KLHL2: variants seen among roughly 807,000 people sequenced by gnomAD.
KLHL2 encodes kelch like family member 2.
Under a neutral mutation model 75.8 loss-of-function variants are expected in KLHL2, and 15 were observed. The observed-to-expected ratio is 0.20, with a 90% CI of 0.13 to 0.30. KLHL2 has a LOEUF of 0.30. Ranked by LOEUF, KLHL2 falls within the 10% of genes least tolerant of loss-of-function variation. KLHL2 has a pLI of 1.00. For synonymous variants in KLHL2, 214 were observed against 251.9 expected (o/e 0.85, Z 1.42); for missense variants, 381 against 741.0 (o/e 0.51, Z 5.64).
chr4:165,246,214 GT>G (rs2111140485), intron 4 of KLHL2, among the ~76,000 whole-genome samples: 1 of 152,254 alleles, frequency 6.6e-6, no homozygotes, highest in South Asian at 2.1e-4. Context: ...TAAGTTTGGC[GT>G]GTTTTATGGG....
chr4:165,235,075 A>G (rs1739225296), intron 3 of KLHL2, among the ~76,000 whole-genome samples: 1 of 152,242 alleles, frequency 6.6e-6, no homozygotes, highest in South Asian at 2.1e-4. Context: ...GTGATGTTCA[A>G]TAAATGTTGA....
At chr4:165,299,691 T>C (rs1390682434) in intron 8 of KLHL2, 35 bp downstream of exon 8, 5 of 1,542,106 alleles carry the variant, frequency 3.2e-6, no homozygotes, top group Non-Finnish European at 4.4e-6. Context: ...TATTACCTCA[T>C]GCAAAAGGCT....
At chr4:165,226,771 T>G (rs1420037466) in intron 2 of KLHL2, among the ~76,000 whole-genome samples, 1 of 152,138 alleles carries the variant, frequency 6.6e-6, no homozygotes, top group African/African-American at 2.4e-5. Context: ...CTTTCTTGTT[T>G]TATTCAAACT....
rs1477707346 is a variant in KLHL2, at chr4:165,264,765, T to TATATAA, written c.544+1407_544+1408insTATAAA. Among the ~76,000 whole-genome samples, 291 of 93,966 alleles carry TATATAA rather than the reference T, an allele frequency of 3.1e-3. 2 individuals carry two copies. Among genetic ancestry groups the TATATAA allele is most frequent in the Non-Finnish European group, 4.1e-3 (206 of 50,184 alleles). 61.6% of individuals were successfully genotyped at this position (93,966 alleles called of 152,430 possible). A position where few individuals can be genotyped will look rare whatever the true frequency, so the allele number is the denominator to read the frequency against. ...GTATATATATATATATATATATATA[T>TATATAA]AAAACATTATCCACTCATTGGCTGA... On this transcript the variant is annotated intron_variant, in intron 5 of 14. Coordinates refer to ENST00000226725, the MANE Select transcript of KLHL2 (RefSeq NM_007246.4).
intron 13 of KLHL2, 117 bp downstream of exon 13, chr4:165,314,283 C>T (rs1249731770): frequency 1.1e-6 from 1 of 935,486 alleles, no homozygotes; most frequent in Non-Finnish European, 1.6e-6. Flanking sequence ...GATCTGGGTT[C>T]CCTGATAGAC....
At chr4:165,222,362 C>T (rs557417203) in intron 2 of KLHL2, among the ~76,000 whole-genome samples, 103 of 152,194 alleles carry the variant, frequency 6.8e-4, no homozygotes, top group African/African-American at 2.3e-3. Context: ...TTATAAGCTC[C>T]AGTCTTCATT....
At chr4:165,238,573 G>A (rs1739550257) in intron 3 of KLHL2, among the ~76,000 whole-genome samples, 1 of 152,216 alleles carries the variant, frequency 6.6e-6, no homozygotes, top group East Asian at 1.9e-4. Flanking sequence ...TCAGGTGCAA[G>A]TGGGTAACAA....
intron 12 of KLHL2, 120 bp from the exon 13 acceptor site, chr4:165,313,906 C>A: frequency 1.1e-6 from 1 of 947,126 alleles, no homozygotes; most frequent in Non-Finnish European, 1.6e-6. Flanking sequence ...ATAGTATCAG[C>A]TTGCTTTTAT....
intron 4 of KLHL2, chr4:165,240,593 G>A (rs1237244829): frequency 6.6e-6 from 1 of 150,410 alleles, no homozygotes; most frequent in East Asian, 2.0e-4. Flanking sequence ...TGAGATCACT[G>A]AACTAATATG....
At chr4:165,312,135 G>A (rs1746251070) in intron 11 of KLHL2, among the ~76,000 whole-genome samples, 2 of 152,146 alleles carry the variant, frequency 1.3e-5, no homozygotes, top group South Asian at 4.1e-4. Flanking sequence ...CTGACAGGAA[G>A]TAGAGCTCAG....
chr4:165,243,761 T>C (rs527541282), intron 4 of KLHL2, among the ~76,000 whole-genome samples: 42 of 152,346 alleles, frequency 2.8e-4, no homozygotes, highest in Non-Finnish European at 4.3e-4. Flanking sequence ...GATAGTGTTT[T>C]ACTCTGCATG....
chr4:165,313,965 C>T lies in KLHL2; in HGVS notation c.1469-61C>T. 3.3e-6 allele frequency: 5 copies of T among 1,522,628 alleles called. No homozygotes were observed. In the South Asian group the frequency reaches 3.8e-5, roughly 12 times the overall value. 94.3% of individuals were successfully genotyped at this position (1,522,628 alleles called of 1,614,324 possible). A position where few individuals can be genotyped will look rare whatever the true frequency, so the allele number is the denominator to read the frequency against. On this transcript the variant is annotated intron_variant, in intron 12 of 14. Coordinates refer to ENST00000226725, the MANE Select transcript of KLHL2 (RefSeq NM_007246.4). ...TTAGTTACAAGTCATTTAAATAAAC[C>T]TAATATGATATAAATCTCTTGTTCT...
intron 5 of KLHL2, chr4:165,279,181 G>C: frequency 6.3e-7 from 1 of 1,589,296 alleles, no homozygotes; most frequent in Non-Finnish European, 8.6e-7. Context: ...CGAGGAGCCA[G>C]CGAAGTTTCA....
At chr4:165,238,961 G>A in intron 4 of KLHL2, 62 bp downstream of exon 4, 1 of 1,558,952 alleles carries the variant, frequency 6.4e-7, no homozygotes, top group South Asian at 1.2e-5. Flanking sequence ...AATAAAAAAA[G>A]CACACCCACA....
At chr4:165,238,752 A>G (rs1399406727) in intron 3 of KLHL2, 26 bp from the exon 4 acceptor site, 4 of 1,612,434 alleles carry the variant, frequency 2.5e-6, no homozygotes, top group Middle Eastern at 1.7e-4. Flanking sequence ...TTGCTGTAAC[A>G]TCACTCTTAT....
chr4:165,242,380 T>C lies in KLHL2; in HGVS notation c.381+3481T>C, dbSNP rs1162727619. Among the ~76,000 whole-genome samples, 7 of 152,212 alleles carry C rather than the reference T, an allele frequency of 4.6e-5. No homozygotes were observed. The South Asian group carries it at 1.2e-3, about 27-fold the overall frequency. ...ACCCTTTTCTAAGGAAAGGGCACAT[T>C]AGCTTATCTGCACAAAGTTTTGCAT... is the stretch of plus-strand genomic sequence containing the variant. On this transcript the variant is annotated intron_variant, in intron 4 of 14. Coordinates refer to ENST00000226725, the MANE Select transcript of KLHL2 (RefSeq NM_007246.4).
intron 8 of KLHL2, among the ~76,000 whole-genome samples, chr4:165,304,493 CT>C (rs1162040415): frequency 6.6e-6 from 1 of 152,124 alleles, no homozygotes; most frequent in African/African-American, 2.4e-5. Flanking sequence ...ATCATTATCT[CT>C]TCTTTTCCTG....
intron 5 of KLHL2, among the ~76,000 whole-genome samples, chr4:165,264,935 C>T (rs987588861): frequency 2.0e-5 from 3 of 150,688 alleles, no homozygotes; most frequent in African/African-American, 7.3e-5. Flanking sequence ...ATTTTAATTT[C>T]TTTGAGGAAT....
At chr4:165,237,403 A>AT (rs1739441990) in intron 3 of KLHL2, among the ~76,000 whole-genome samples, 1 of 149,564 alleles carries the variant, frequency 6.7e-6, no homozygotes, top group Non-Finnish European at 1.5e-5. Context: ...TTCCCTTGTC[A>AT]TACAAAGAGA....
Sources: gnomAD v4.1 joint callset for allele counts (sites outside exome capture counted in the v4.1 genomes callset) on GRCh38, gnomAD v4.1.1 for gene constraint, MANE v1.5 for transcripts, NCBI Gene and HGNC (gene_info 2026-07-23, HGNC 2026-07-21) for gene names.